SYNE2: variants seen among roughly 807,000 people sequenced by gnomAD.
SYNE2 encodes nesprin-2.
In SYNE2, 431 loss-of-function variants were observed where a neutral mutation model predicts 856.3. The observed-to-expected ratio is 0.50, with a 90% CI of 0.47 to 0.55. SYNE2 has a LOEUF of 0.55. Among genes scored for constraint, SYNE2 ranks in the 20% least tolerant of loss-of-function variants. SYNE2 has a pLI of 0.00. For missense variants in SYNE2, 8,129 were observed against 8,023.2 expected, an observed-to-expected ratio of 1.01 and a Z score of -0.50; for synonymous variants, 2,923 against 2,872.3, an observed-to-expected ratio of 1.02 and a Z score of -0.56.
intron 1 of SYNE2, among the ~76,000 whole-genome samples, chr14:63,879,718 G>C (rs1223900544): frequency 6.6e-6 from 1 of 152,198 alleles, no homozygotes; most frequent in Non-Finnish European, 1.5e-5. Flanking sequence ...AAGCAACAGA[G>C]GACAAAAGTA....
Position 64,010,023 on chromosome 14 carries a change from C to T in SYNE2, c.4635C>T (p.Ser1545=). The T allele has an allele frequency of 1.2e-6, 2 of 1,613,914 alleles. No individual in the cohort carries two copies. The highest frequency in any genetic ancestry group is 1.7e-6 in the Non-Finnish European group (2 of 1,179,866). The part of the protein sequence containing the change: ...ELLKQYQNFK[S]ILTTLIQKEE... ...TAAAACAATATCAGAATTTTAAAAGCATCTTGACAACTTTGATTCAAAAAG... is the reference window on the plus strand; with the variant it reads ...TAAAACAATATCAGAATTTTAAAAGTATCTTGACAACTTTGATTCAAAAAG... The change falls in exon 32 of 116, where the codon AGC becomes AGT. Residue 1545 remains serine (S), a synonymous_variant. Coordinates refer to ENST00000555002, the MANE Select transcript of SYNE2 (RefSeq NM_182914.3).
intron 6 of SYNE2, among the ~76,000 whole-genome samples, chr14:63,947,747 G>A (rs2153426405): frequency 6.6e-6 from 1 of 152,246 alleles, no homozygotes; most frequent in Admixed American, 6.5e-5. Flanking sequence ...TGAGGCAGGA[G>A]AATCGCTTGA....
chr14:63,937,369 A>C (rs1025721555), intron 2 of SYNE2, among the ~76,000 whole-genome samples: 1 of 152,144 alleles, frequency 6.6e-6, no homozygotes, highest in Non-Finnish European at 1.5e-5. Context: ...TGTTTAAGAG[A>C]GTGGGGGAAG....
At chr14:64,173,286 T>C (rs910965673) in intron 94 of SYNE2, among the ~76,000 whole-genome samples, 5 of 152,204 alleles carry the variant, frequency 3.3e-5, no homozygotes, top group Admixed American at 3.3e-4. Flanking sequence ...TGGTGAATAG[T>C]GTGCTGTTGA....
chr14:64,098,846 A>G (rs1277162067), intron 63 of SYNE2, 25 bp downstream of exon 63: 2 of 1,611,456 alleles, frequency 1.2e-6, no homozygotes, highest in Non-Finnish European at 1.7e-6. Flanking sequence ...TTTCTTGTTA[A>G]AGTTTGTTAG....
rs371387085 is a variant in SYNE2 at position 64,052,513 on chromosome 14, A to C, written c.8600A>C (p.Glu2867Ala). ...IIPRVETAAT[E>A]AELKHHHVTL... is the part of the protein sequence containing the mutation. ...CCCAGGGTGGAGACAGCTGCCACGG[A>C]AGCTGAACTAAAACATCACCATGTT... The change falls in exon 48 of 116, where the codon GAA becomes GCA. Residue 2867 changes from glutamate (E) to alanine (A), a missense_variant. By Grantham distance (107) the Glu-to-Ala change is moderately radical. Around this residue, in one of 3 missense-constraint regions of SYNE2, gnomAD observed 5,410 missense variants for 5,284.8 expected, o/e 1.02. Transcript: ENST00000555002. 2.4e-5 allele frequency: 39 copies of C among 1,614,032 alleles called. No homozygotes were observed. Among genetic ancestry groups the C allele is most frequent in the Non-Finnish European group, 2.7e-5 (32 of 1,180,036 alleles).
intron 96 of SYNE2, among the ~76,000 whole-genome samples, chr14:64,179,532 A>C (rs905791358): frequency 6.6e-6 from 1 of 152,238 alleles, no homozygotes; most frequent in African/African-American, 2.4e-5. Flanking sequence ...AGTATGCATT[A>C]TAAGAATATA....
chr14:64,198,791 T>C (rs570850441), intron 99 of SYNE2, among the ~76,000 whole-genome samples: 12 of 152,196 alleles, frequency 7.9e-5, no homozygotes, highest in South Asian at 4.1e-4. Context: ...TATGCTCTGG[T>C]CTTTACCTCT....
intron 61 of SYNE2, chr14:64,095,261 T>A (rs2097667095): frequency 6.3e-6 from 1 of 159,974 alleles, no homozygotes. Context: ...TTTTGAATAA[T>A]TGTGGACATT....
intron 84 of SYNE2, among the ~76,000 whole-genome samples, chr14:64,148,880 C>CT (rs1466439116): frequency 6.6e-6 from 1 of 152,120 alleles, no homozygotes; most frequent in Non-Finnish European, 1.5e-5. Flanking sequence ...CCTGTTATAC[C>CT]TGTCACTGCC....
intron 1 of SYNE2, among the ~76,000 whole-genome samples, chr14:63,863,983 G>C (rs1894511847): frequency 6.6e-6 from 1 of 152,038 alleles, no homozygotes; most frequent in Admixed American, 6.6e-5. Flanking sequence ...CACCACGCTT[G>C]ACTAATTTTT....
Position 64,208,771 on chromosome 14 carries a change from A to T in SYNE2, c.18215A>T (p.Asp6072Val), listed in dbSNP as rs2098623081. 6.2e-7 allele frequency: 1 copy of T among 1,614,098 alleles called. No homozygotes were observed. Among genetic ancestry groups the T allele is most frequent in the African/African-American group, 1.3e-5 (1 of 74,932 alleles). The part of the protein sequence containing the change: ...RLAEQQDLQR[D>V]IEQHSAGVES... ...TTGTAATCACAGGATCTACAGCGAG[A>T]TATTGAACAACACAGCGCAGGGGTG... The change falls in exon 101 of 116, where the codon GAT becomes GTT. Residue 6072 changes from aspartate (D) to valine (V), a missense_variant. Asp to Val is a radical substitution (Grantham distance 152). Transcript: ENST00000555002.
At chr14:64,163,371 G>C in intron 88 of SYNE2, 31 bp from the exon 89 acceptor site, 2 of 1,612,692 alleles carry the variant, frequency 1.2e-6, no homozygotes, top group Non-Finnish European at 1.7e-6. Context: ...AAAGGAGGAA[G>C]AGGTGTTTGC....
intron 52 of SYNE2, 28 bp downstream of exon 52, chr14:64,070,938 C>A: frequency 6.2e-7 from 1 of 1,612,778 alleles, no homozygotes; most frequent in Non-Finnish European, 8.5e-7. Context: ...CTATTAAGGA[C>A]GTGTGCTTGA....
chr14:63,876,927 A>G (rs1454312912), intron 1 of SYNE2, among the ~76,000 whole-genome samples: 1 of 152,224 alleles, frequency 6.6e-6, no homozygotes, highest in Non-Finnish European at 1.5e-5. Context: ...TCAGCCTGTT[A>G]CTTAGTCCAA....
At chr14:64,224,352 CAAAA>C (rs1567702328) in intron 113 of SYNE2, 105 bp from the exon 114 acceptor site, 2 of 1,115,042 alleles carry the variant, frequency 1.8e-6, no homozygotes, top group Non-Finnish European at 2.7e-6. Context: ...CTGTCTAAAA[CAAAA>C]CAAAACAAAA....
chr14:64,140,446 G>T (rs1213783076), intron 80 of SYNE2, among the ~76,000 whole-genome samples: 1 of 152,182 alleles, frequency 6.6e-6, no homozygotes, highest in Admixed American at 6.5e-5. Context: ...GCCGAGCATG[G>T]TGGTGCATGC....
intron 48 of SYNE2, 40 bp downstream of exon 48, chr14:64,053,697 G>A (rs775359701): frequency 6.3e-7 from 1 of 1,595,544 alleles, no homozygotes. Context: ...CTGGGTGCGG[G>A]GGCTCACGCC....
chr14:63,980,872 T>C, intron 15 of SYNE2, 114 bp from the exon 16 acceptor site: 1 of 1,056,176 alleles, frequency 9.5e-7, no homozygotes, highest in Non-Finnish European at 1.4e-6. Flanking sequence ...TCACTTTTAA[T>C]ATTGTCAGAG....
Sources: allele counts gnomAD v4.1 joint callset (sites outside exome capture counted in the v4.1 genomes callset), GRCh38; gene constraint gnomAD v4.1.1; regional missense constraint gnomAD v4.1.1; transcripts MANE v1.5; gene names NCBI Gene and HGNC (gene_info 2026-07-23, HGNC 2026-07-21).